IQCM: variants seen among roughly 807,000 people sequenced by gnomAD.
IQCM encodes IQ motif containing M.
In IQCM, 45 loss-of-function variants were observed where a neutral mutation model predicts 57.6. The ratio of observed to expected loss-of-function variants is 0.78; its 90% CI spans 0.62 to 1.00. The LOEUF (loss-of-function observed/expected upper bound fraction) is 1.00, where lower values mean the gene tolerates loss of function less well. Among genes scored for constraint, IQCM ranks in the 50% least tolerant of loss-of-function variants. IQCM has a pLI of 0.00. For missense variants in IQCM, 468 were observed against 511.6 expected (o/e 0.91, Z 0.82); for synonymous variants, 148 against 158.9 (o/e 0.93, Z 0.51).
chr4:149,625,484 G>C (rs555526842), intron 7 of IQCM, among the ~76,000 whole-genome samples: 1 of 152,324 alleles, frequency 6.6e-6, no homozygotes, highest in East Asian at 1.9e-4. Context: ...AACATAGGAG[G>C]CTTCAGAAAT....
chr4:149,481,701 G>GTTGTTGTTTTTTTTTTTTTTTTTTTT (rs1740816388), intron 12 of IQCM, among the ~76,000 whole-genome samples: 1 of 51,550 alleles, frequency 1.9e-5, no homozygotes, highest in African/African-American at 7.6e-5. Context: ...TTCCAGTTTT[G>GTTGTTGTTTTTTTTTTTTTTTTTTTT]TTTTTTTTTT....
Position 149,558,902 on chromosome 4 carries a change from C to T in IQCM, c.948+4790G>A, listed in dbSNP as rs565325363. 2.0e-5 allele frequency among the ~76,000 whole-genome samples: 3 copies of T among 152,288 alleles called. No individual in the cohort carries two copies. The South Asian group carries it at 6.2e-4, about 32-fold the overall frequency. On this transcript the variant is annotated intron_variant, in intron 10 of 13. Transcript: ENST00000636793. ...CTTCCCAGACATCTCAAGGATTTCC[C>T]ACAAAAGTTTTAAACTCAGTGTTGA...
chr4:149,571,756 A>T (rs1386319501), intron 9 of IQCM, among the ~76,000 whole-genome samples: 1 of 152,120 alleles, frequency 6.6e-6, no homozygotes, highest in East Asian at 1.9e-4. Flanking sequence ...AAATACATAC[A>T]ATTTTGTCTG....
intron 12 of IQCM, among the ~76,000 whole-genome samples, chr4:149,507,311 G>T (rs1743927868): frequency 6.6e-6 from 1 of 152,202 alleles, no homozygotes; most frequent in African/African-American, 2.4e-5. Flanking sequence ...TTTGGAACTG[G>T]GTAACAGGCA....
At chr4:149,439,861 C>T (rs76350612) in intron 12 of IQCM, among the ~76,000 whole-genome samples, 2,199 of 151,976 alleles carry the variant, frequency 0.014, 27 homozygotes, top group Non-Finnish European at 0.022. Flanking sequence ...CATACATAAT[C>T]CATAAGATAT....
At chr4:149,567,555 C>G (rs1750749158) in intron 9 of IQCM, among the ~76,000 whole-genome samples, 1 of 151,920 alleles carries the variant, frequency 6.6e-6, no homozygotes, top group South Asian at 2.1e-4. Flanking sequence ...GCTATGCTGG[C>G]CAGGTGGGTC....
chr4:149,544,309 T>G (rs1258182478), intron 12 of IQCM, among the ~76,000 whole-genome samples: 1 of 152,088 alleles, frequency 6.6e-6, no homozygotes, highest in Non-Finnish European at 1.5e-5. Context: ...CAATCCCCCT[T>G]GCAATCGCAT....
intron 7 of IQCM, among the ~76,000 whole-genome samples, chr4:149,663,604 T>C (rs1760423764): frequency 6.6e-6 from 1 of 151,452 alleles, no homozygotes; most frequent in African/African-American, 2.4e-5. Flanking sequence ...TTGCTAGGTA[T>C]AGTATTCTTT....
intron 11 of IQCM, among the ~76,000 whole-genome samples, chr4:149,549,375 G>A (rs1390956846): frequency 3.3e-5 from 5 of 151,934 alleles, no homozygotes; most frequent in East Asian, 1.9e-4. Context: ...AAAATTAGCC[G>A]GGCGTAGTGG....
At chr4:149,457,168 T>C (rs1023194949) in intron 12 of IQCM, among the ~76,000 whole-genome samples, 2 of 152,086 alleles carry the variant, frequency 1.3e-5, no homozygotes, top group Admixed American at 6.6e-5. Flanking sequence ...TTCACCTATC[T>C]CACTTGCTTA....
chr4:149,565,775 C>G (rs1355436814), intron 9 of IQCM, among the ~76,000 whole-genome samples: 2 of 152,034 alleles, frequency 1.3e-5, no homozygotes, highest in East Asian at 1.9e-4. Context: ...TGCTAGTTCT[C>G]TTTGTGTCTA....
chr4:149,734,482 G>A (rs1366398000), intron 4 of IQCM, among the ~76,000 whole-genome samples: 1 of 152,076 alleles, frequency 6.6e-6, no homozygotes, highest in Non-Finnish European at 1.5e-5. Flanking sequence ...AAGTATGTAT[G>A]GCCAGTCTTG....
chr4:149,570,260 A>G (rs1312742428), intron 9 of IQCM, among the ~76,000 whole-genome samples: 1 of 152,086 alleles, frequency 6.6e-6, no homozygotes, highest in African/African-American at 2.4e-5. Context: ...ATGTAATTGA[A>G]AAATCAAGTT....
At chr4:149,640,508 A>T (rs1367473927) in intron 7 of IQCM, among the ~76,000 whole-genome samples, 1 of 152,208 alleles carries the variant, frequency 6.6e-6, no homozygotes, top group Admixed American at 6.5e-5. Context: ...CATTTTAGAA[A>T]AAGGCAAAGC....
At position 149,628,031 on chromosome 4, in the gene IQCM, C is replaced by T. The variant is rs575915766; in HGVS notation, c.566-6787G>A. Among the ~76,000 whole-genome samples, 22 of 152,294 alleles carry T rather than the reference C, an allele frequency of 1.4e-4. No individual in the cohort carries two copies. The South Asian group carries it at 4.1e-3, about 29-fold the overall frequency. ...CTCTGGAAGGAACTAGTCCTGCTGA[C>T]AGCTTGACTTAATTCAGTGAAATTG... is the stretch of plus-strand genomic sequence containing the variant. On this transcript the variant is annotated intron_variant, in intron 7 of 13. Coordinates refer to ENST00000636793, the MANE Select transcript of IQCM (RefSeq NM_001363507.2).
intron 13 of IQCM, among the ~76,000 whole-genome samples, chr4:149,403,417 T>C (rs749882766): frequency 2.0e-5 from 3 of 152,032 alleles, no homozygotes; most frequent in African/African-American, 7.2e-5. Context: ...AGGATCATCA[T>C]AGTTATGCCA....
chr4:149,561,391 G>A (rs1257215697), intron 10 of IQCM, among the ~76,000 whole-genome samples: 1 of 152,136 alleles, frequency 6.6e-6, no homozygotes, highest in Admixed American at 6.5e-5. Flanking sequence ...TATCAAATGT[G>A]TGTAGACAGA....
chr4:149,579,413 C>G (rs530910157), intron 9 of IQCM, among the ~76,000 whole-genome samples: 3 of 151,852 alleles, frequency 2.0e-5, no homozygotes, highest in Non-Finnish European at 4.4e-5. Context: ...GAGAGCCCAG[C>G]CAACAGTAAC....
chr4:149,596,000 C>T (rs1753742301), intron 8 of IQCM, among the ~76,000 whole-genome samples: 1 of 152,080 alleles, frequency 6.6e-6, no homozygotes, highest in African/African-American at 2.4e-5. Flanking sequence ...GAGAAGATGA[C>T]ACAGAAAAAT....
Sources: gnomAD v4.1 joint callset for allele counts (sites outside exome capture counted in the v4.1 genomes callset) on GRCh38, gnomAD v4.1.1 for gene constraint, MANE v1.5 for transcripts, NCBI Gene and HGNC (gene_info 2026-07-23, HGNC 2026-07-21) for gene names.